ADGRV1: variants seen among roughly 807,000 people sequenced by gnomAD.
ADGRV1 encodes G-protein coupled receptor 98.
ADGRV1 carries 359 observed loss-of-function variants against 596.2 expected under a neutral mutation model. The ratio of observed to expected loss-of-function variants is 0.60; its 90% CI spans 0.55 to 0.66. The LOEUF (loss-of-function observed/expected upper bound fraction) is 0.66, where lower values mean the gene tolerates loss of function less well. Among genes scored for constraint, ADGRV1 ranks in the 30% least tolerant of loss-of-function variants. The pLI, the probability that ADGRV1 is intolerant of heterozygous loss-of-function variation, is 0.00. For missense variants in ADGRV1, 7,274 were observed against 7,575.6 expected (o/e 0.96, Z 1.48); for synonymous variants, 2,681 against 2,679.2 (o/e 1.00, Z -0.02).
chr5:91,053,380 T>C (rs1243806610), intron 85 of ADGRV1, among the ~76,000 whole-genome samples: 1 of 152,218 alleles, frequency 6.6e-6, no homozygotes, highest in Admixed American at 6.5e-5. Context: ...TTGTGGTCCC[T>C]ACCCCTCAGA....
At chr5:91,140,894 C>G (rs1021507101) in intron 87 of ADGRV1, among the ~76,000 whole-genome samples, 3 of 152,130 alleles carry the variant, frequency 2.0e-5, no homozygotes, top group African/African-American at 4.8e-5. Context: ...AGACAAAGCA[C>G]TGTAAAATAG....
At position 90,788,311 on chromosome 5, in the gene ADGRV1, G is replaced by T; in HGVS notation, c.13893+1G>T. On this transcript the variant is annotated splice_donor_variant, in intron 68 of 89. Coordinates refer to ENST00000405460, the MANE Select transcript of ADGRV1 (RefSeq NM_032119.4). LOFTEE classifies it high-confidence loss of function. Reference sequence around the variant, plus strand: ...CAGAGCTAAAGATGTTACATTAACCGTATGTATGGCTTTATTTTTCTCACA... The same window carrying T: ...CAGAGCTAAAGATGTTACATTAACCTTATGTATGGCTTTATTTTTCTCACA... 6.2e-7 allele frequency: 1 copy of T among 1,600,854 alleles called. No individual in the cohort carries two copies.
intron 35 of ADGRV1, among the ~76,000 whole-genome samples, chr5:90,704,000 C>T (rs1043709188): frequency 1.3e-5 from 2 of 152,194 alleles, no homozygotes; most frequent in African/African-American, 4.8e-5. Context: ...ATATTACCCT[C>T]TGCCTTGAGT....
At chr5:91,044,103 A>C (rs866808935) in intron 85 of ADGRV1, among the ~76,000 whole-genome samples, 1 of 152,070 alleles carries the variant, frequency 6.6e-6, no homozygotes, top group African/African-American at 2.4e-5. Flanking sequence ...ATTAGAATGC[A>C]TTTCTGTAGA....
At position 90,637,709 on chromosome 5, in the gene ADGRV1, C is replaced by T; in HGVS notation, c.2017-16C>T. 1.3e-6 allele frequency: 2 copies of T among 1,537,622 alleles called. No individual in the cohort carries two copies. The highest frequency in any genetic ancestry group is 1.8e-6 in the Non-Finnish European group (2 of 1,135,400). The stretch of plus-strand genomic sequence containing the variant: ...ATATTTTAGAAGAAATTGTTCTGTT[C>T]TTTTCTTTTTATAAGGTATACATTC... On this transcript the variant is annotated splice_polypyrimidine_tract_variant and intron_variant, in intron 10 of 89. Transcript: ENST00000405460.
intron 85 of ADGRV1, among the ~76,000 whole-genome samples, chr5:91,024,062 G>A (rs1209995921): frequency 6.6e-6 from 1 of 152,124 alleles, no homozygotes; most frequent in East Asian, 1.9e-4. Context: ...GGGCCTCGGG[G>A]CCAAGCATGA....
At chr5:90,636,282 G>C (rs554640802) in intron 10 of ADGRV1, among the ~76,000 whole-genome samples, 2 of 151,520 alleles carry the variant, frequency 1.3e-5, no homozygotes, top group East Asian at 3.9e-4. Flanking sequence ...ACTTAAATTT[G>C]ATTTAAACCT....
At chr5:90,661,174 A>G (rs6879424) in intron 21 of ADGRV1, among the ~76,000 whole-genome samples, 4,774 of 152,232 alleles carry the variant, frequency 0.031, 262 homozygotes, top group African/African-American at 0.11. Flanking sequence ...TCTCTGTACC[A>G]TATTTTAGCA....
intron 1 of ADGRV1, among the ~76,000 whole-genome samples, chr5:90,592,735 T>C (rs1197990625): frequency 6.6e-6 from 1 of 152,120 alleles, no homozygotes; most frequent in Non-Finnish European, 1.5e-5. Context: ...TACAAATAAC[T>C]TAAACAAATT....
At position 90,643,948 on chromosome 5, in the gene ADGRV1, T is replaced by C. The variant is rs747148780; in HGVS notation, c.2699T>C (p.Met900Thr). Reference protein sequence around the residue: ...IEFVSDGLIVMINESKGDAIY... With the variant: ...IEFVSDGLIVTINESKGDAIY... ...TTTGTTTCTGATGGTCTAATTGTGA[T>C]GATAAATGAAAGCAAAGGAGATGCT... Residue 900 changes from methionine (M) to threonine (T), a missense_variant, in exon 14 of 90, where the codon ATG (methionine) becomes ACG (threonine). Physicochemically the swap from Met to Thr is moderately conservative, Grantham distance 81 (BLOSUM62 -1). This residue lies in a region of ADGRV1 where 1,715 missense variants were observed against 1,708.8 expected (regional missense o/e 1.00). Coordinates refer to ENST00000405460, the MANE Select transcript of ADGRV1 (RefSeq NM_032119.4). 5.0e-6 allele frequency: 8 copies of C among 1,611,694 alleles called. No individual in the cohort carries two copies. The highest frequency in any genetic ancestry group is 1.7e-5 in the Admixed American group (1 of 59,918).
intron 21 of ADGRV1, among the ~76,000 whole-genome samples, chr5:90,669,301 C>T (rs1020959602): frequency 3.9e-5 from 6 of 152,172 alleles, no homozygotes; most frequent in African/African-American, 1.4e-4. Context: ...CCTCTTCTGT[C>T]CAACATCTTA....
intron 70 of ADGRV1, among the ~76,000 whole-genome samples, chr5:90,796,842 T>C (rs1379142329): frequency 1.3e-5 from 2 of 152,176 alleles, no homozygotes; most frequent in South Asian, 4.1e-4. Flanking sequence ...AAAAGAATTT[T>C]CAACCCAGAA....
At chr5:90,720,285 C>A in intron 44 of ADGRV1, 62 bp downstream of exon 44, 2 of 1,069,768 alleles carry the variant, frequency 1.9e-6, no homozygotes, top group Non-Finnish European at 1.3e-6. Context: ...TATTTTTTGA[C>A]ATAAGAAAAT....
chr5:90,693,883 A>G lies in ADGRV1; in HGVS notation c.7134-7A>G, dbSNP rs1746817461. 2 of 1,528,926 alleles carry G rather than the reference A, an allele frequency of 1.3e-6. No individual in the cohort carries two copies. Among genetic ancestry groups the G allele is most frequent in the Middle Eastern group, 1.9e-4 (1 of 5,256 alleles). The allele number at this position is 1,528,926 out of a possible 1,614,324, so 94.7% of individuals were successfully genotyped here. On this transcript the variant is annotated splice_polypyrimidine_tract_variant and splice_region_variant and intron_variant, in intron 32 of 89. Transcript: ENST00000405460. Reference sequence around the variant, plus strand: ...ACCTGTCTTTTAATTGTCACTCCACATTTTAGCGGAGGGCACTTTGGTCGG... The same window carrying G: ...ACCTGTCTTTTAATTGTCACTCCACGTTTTAGCGGAGGGCACTTTGGTCGG...
At chr5:90,628,508 A>G in intron 7 of ADGRV1, 54 bp from the exon 8 acceptor site, 1 of 1,483,770 alleles carries the variant, frequency 6.7e-7, no homozygotes, top group South Asian at 1.2e-5. Context: ...AAGCTTATCT[A>G]AGGGAAATAA....
intron 31 of ADGRV1, among the ~76,000 whole-genome samples, chr5:90,691,388 T>C (rs552809184): frequency 3.4e-5 from 5 of 148,628 alleles, no homozygotes; most frequent in South Asian, 4.3e-4. Flanking sequence ...TTTTTTCTTT[T>C]TTTTTTTTTT....
intron 1 of ADGRV1, among the ~76,000 whole-genome samples, chr5:90,561,607 G>C (rs1754841082): frequency 6.6e-6 from 1 of 152,100 alleles, no homozygotes; most frequent in Non-Finnish European, 1.5e-5. Context: ...TATCTATAGG[G>C]TTCAGCATAG....
chr5:90,996,127 T>C (rs904854741), intron 85 of ADGRV1, among the ~76,000 whole-genome samples: 2 of 151,996 alleles, frequency 1.3e-5, no homozygotes, highest in Non-Finnish European at 2.9e-5. Context: ...GAAAATTGCA[T>C]AAGTAAAGAG....
At chr5:90,817,622 T>G (rs1253835862) in intron 75 of ADGRV1, among the ~76,000 whole-genome samples, 1 of 152,118 alleles carries the variant, frequency 6.6e-6, no homozygotes, top group East Asian at 1.9e-4. Context: ...AGTTTCAGCT[T>G]TCTACATATG....
Sources: allele counts gnomAD v4.1 joint callset (sites outside exome capture counted in the v4.1 genomes callset), GRCh38; gene constraint gnomAD v4.1.1; regional missense constraint gnomAD v4.1.1; transcripts MANE v1.5; gene names NCBI Gene and HGNC (gene_info 2026-07-23, HGNC 2026-07-21).